The following EDEM3 variants were observed in gnomAD, a reference collection of about 807,000 sequenced individuals.
EDEM3 encodes ER degradation-enhancing alpha-mannosidase-like protein 3.
Under a neutral mutation model 110.2 loss-of-function variants are expected in EDEM3, and 60 were observed. The ratio of observed to expected loss-of-function variants is 0.54; its 90% CI spans 0.44 to 0.67. The LOEUF is 0.67. Among genes scored for constraint, EDEM3 ranks in the 30% least tolerant of loss-of-function variants. The probability of loss-of-function intolerance (pLI) is 0.00; values close to 1 mark genes in which losing one functional copy is unlikely to be tolerated. For synonymous variants in EDEM3, 352 were observed against 382.9 expected (o/e 0.92, Z 0.94); for missense variants, 996 against 1,121.0 (o/e 0.89, Z 1.59).
intron 19 of EDEM3, among the ~76,000 whole-genome samples, chr1:184,696,451 G>A (rs1335662955): frequency 6.6e-6 from 1 of 151,160 alleles, no homozygotes; most frequent in Non-Finnish European, 1.5e-5. Context: ...TTTTTAACCC[G>A]GGGTGTCCGC....
rs1055804745 is a variant in EDEM3, at chr1:184,751,878, C to T, written c.159-2286G>A. Among the ~76,000 whole-genome samples, 8 of 152,150 alleles carry T rather than the reference C, an allele frequency of 5.3e-5. No homozygotes were observed. In the East Asian group the frequency reaches 1.5e-3, roughly 29 times the overall value. On this transcript the variant is annotated intron_variant, in intron 1 of 19. Coordinates refer to ENST00000318130, the MANE Select transcript of EDEM3 (RefSeq NM_025191.4). The stretch of plus-strand genomic sequence containing the variant: ...AGCGATTCTTCCTGCCTCAGCCTCC[C>T]GAGTAGCTGGGATTAAGGGCATGCG...
rs1649167980 is a variant in EDEM3, at chr1:184,693,527, CAA to C, written c.*534_*535del. 1 of 152,454 alleles carries C rather than the reference CAA, an allele frequency of 6.6e-6. No individual in the cohort carries two copies. The highest frequency in any genetic ancestry group is 1.5e-5 in the Non-Finnish European group (1 of 68,136). 9.4% of individuals were successfully genotyped at this position (152,454 alleles called of 1,614,324 possible). On this transcript the variant is annotated 3_prime_UTR_variant, in exon 20 of 20. Coordinates refer to ENST00000318130, the MANE Select transcript of EDEM3 (RefSeq NM_025191.4). ...AAATGAAACAAGAGAAAGCAATGAGCAAAGACTGTTTTCACCATAAATGCATT... is the reference window on the plus strand; with the variant it reads ...AAATGAAACAAGAGAAAGCAATGAGCAGACTGTTTTCACCATAAATGCATT...
intron 6 of EDEM3, 144 bp downstream of exon 6, chr1:184,732,693 G>T: frequency 2.7e-6 from 2 of 743,282 alleles, no homozygotes; most frequent in Non-Finnish European, 4.1e-6. Flanking sequence ...TAATTGAAAT[G>T]AAAATATAAA....
intron 6 of EDEM3, among the ~76,000 whole-genome samples, chr1:184,728,855 G>A (rs998451883): frequency 8.5e-5 from 13 of 152,252 alleles, no homozygotes; most frequent in East Asian, 3.9e-4. Flanking sequence ...TGATCCGCCC[G>A]ACTTGGCCTC....
At chr1:184,695,426 T>G (rs1649280890) in intron 19 of EDEM3, among the ~76,000 whole-genome samples, 1 of 152,164 alleles carries the variant, frequency 6.6e-6, no homozygotes, top group Non-Finnish European at 1.5e-5. Flanking sequence ...GAAAGAGAGA[T>G]AAGGATTTTG....
chr1:184,730,424 A>G (rs554368328), intron 6 of EDEM3, among the ~76,000 whole-genome samples: 2 of 151,830 alleles, frequency 1.3e-5, no homozygotes, highest in Non-Finnish European at 2.9e-5. Context: ...CTCTACAAAA[A>G]TTTTTTTTAA....
Position 184,693,498 on chromosome 1 carries a change from C to T in EDEM3, c.*565G>A, listed in dbSNP as rs1649166917. ...AAATCAAGTCATCTTGATCATTTGT[C>T]ACTAAATGAAACAAGAGAAAGCAAT... On this transcript the variant is annotated 3_prime_UTR_variant, in exon 20 of 20. Coordinates refer to ENST00000318130, the MANE Select transcript of EDEM3 (RefSeq NM_025191.4). 1 of 152,522 alleles carries T rather than the reference C, an allele frequency of 6.6e-6. No homozygotes were observed. Among genetic ancestry groups the T allele is most frequent in the Admixed American group, 6.6e-5 (1 of 15,258 alleles). The allele number at this position is 152,522 out of a possible 1,614,324, so 9.4% of individuals were successfully genotyped here. A position where few individuals can be genotyped will look rare whatever the true frequency, so the allele number is the denominator to read the frequency against.
rs1223526139 is a variant in EDEM3, at chr1:184,736,646, CA to C, written c.345+378del. On this transcript the variant is annotated intron_variant, in intron 4 of 19. Coordinates refer to ENST00000318130, the MANE Select transcript of EDEM3 (RefSeq NM_025191.4). ...ATTAATTTTTTGCTTATGAACACAGCAATATAAAGATTCTAATTTAACAATT... is the reference window on the plus strand; with the variant it reads ...ATTAATTTTTTGCTTATGAACACAGCATATAAAGATTCTAATTTAACAATT... Among the ~76,000 whole-genome samples the C allele has an allele frequency of 2.0e-5, 3 of 152,158 alleles. No individual in the cohort carries two copies. The East Asian group carries it at 5.8e-4, about 29-fold the overall frequency.
At chr1:184,747,328 T>C (rs1005834734) in intron 2 of EDEM3, among the ~76,000 whole-genome samples, 6 of 152,180 alleles carry the variant, frequency 3.9e-5, no homozygotes, top group South Asian at 2.1e-4. Context: ...ACCTATACAC[T>C]TTTACCCTAC....
At position 184,691,800 on chromosome 1, in the gene EDEM3, G is replaced by A. The variant is rs992904234; in HGVS notation, c.*2263C>T. 2 of 151,912 alleles carry A rather than the reference G, an allele frequency of 1.3e-5. No homozygotes were observed. Among genetic ancestry groups the A allele is most frequent in the Non-Finnish European group, 2.9e-5 (2 of 67,966 alleles). 9.4% of individuals were successfully genotyped at this position (151,912 alleles called of 1,614,324 possible). ...AAATATTGAGTATAATTCCTTCTGG[G>A]TATTAAGAAAAATTGGTTAAATTTT... On this transcript the variant is annotated 3_prime_UTR_variant, in exon 20 of 20. Coordinates refer to ENST00000318130, the MANE Select transcript of EDEM3 (RefSeq NM_025191.4).
chr1:184,727,303 C>G (rs369291847), intron 6 of EDEM3, among the ~76,000 whole-genome samples: 1 of 152,000 alleles, frequency 6.6e-6, no homozygotes, highest in African/African-American at 2.4e-5. Context: ...CAATATGAAT[C>G]TGGATTAACT....
chr1:184,694,385 T>A lies in EDEM3; in HGVS notation c.2477A>T (p.Glu826Val). Residue 826 changes from glutamate (E) to valine (V), a missense_variant, in exon 20 of 20, where the codon GAG becomes GTG. Physicochemically the swap from Glu to Val is moderately radical, Grantham distance 121 (BLOSUM62 -2). Transcript: ENST00000318130. ...AGACTCTTGATCAACCAAATCAACCTCCTGAGAACTTGATGAAATCTGTTC... is the reference window on the plus strand; with the variant it reads ...AGACTCTTGATCAACCAAATCAACCACCTGAGAACTTGATGAAATCTGTTC... ...SGEQISSSSQEVDLVDQESSE... is the reference protein window; with the variant it reads ...SGEQISSSSQVVDLVDQESSE... The A allele has an allele frequency of 6.2e-7, 1 of 1,612,406 alleles. No homozygotes were observed. The highest frequency in any genetic ancestry group is 8.5e-7 in the Non-Finnish European group (1 of 1,179,488).
At chr1:184,699,904 T>A (rs985703813) in intron 19 of EDEM3, among the ~76,000 whole-genome samples, 1 of 151,894 alleles carries the variant, frequency 6.6e-6, no homozygotes, top group Non-Finnish European at 1.5e-5. Context: ...GGAAATTTAC[T>A]CTTAATTGTA....
intron 1 of EDEM3, among the ~76,000 whole-genome samples, chr1:184,754,261 A>C (rs550368243): frequency 1.3e-5 from 2 of 152,140 alleles, no homozygotes; most frequent in African/African-American, 2.4e-5. Flanking sequence ...AGGAGCCTGC[A>C]CATGTCACCG....
At position 184,732,107 on chromosome 1, in the gene EDEM3, C is replaced by T. The variant is rs573631019; in HGVS notation, c.612+730G>A. The stretch of plus-strand genomic sequence containing the variant: ...AGGAGAATGGCGTGAACCTGGAAGG[C>T]AGAGGTTGCAGTGAGCCGAGATCGC... On this transcript the variant is annotated intron_variant, in intron 6 of 19. Transcript: ENST00000318130. Among the ~76,000 whole-genome samples the T allele has an allele frequency of 1.8e-4, 27 of 152,144 alleles. No individual in the cohort carries two copies. In the East Asian group the frequency reaches 5.0e-3, roughly 28 times the overall value.
intron 6 of EDEM3, among the ~76,000 whole-genome samples, chr1:184,732,302 AG>A (rs1286122867): frequency 6.6e-6 from 1 of 152,162 alleles, no homozygotes; most frequent in Non-Finnish European, 1.5e-5. Context: ...AATGGTTATC[AG>A]AGGCTGGGAA....
intron 13 of EDEM3, 51 bp from the exon 14 acceptor site, chr1:184,712,649 G>A (rs1196465892): frequency 8.0e-7 from 1 of 1,256,892 alleles, no homozygotes; most frequent in African/African-American, 1.6e-5. Flanking sequence ...TAATTTAAAT[G>A]CCAACTATAT....
chr1:184,752,345 T>C (rs1231845824), intron 1 of EDEM3, among the ~76,000 whole-genome samples: 1 of 152,208 alleles, frequency 6.6e-6, no homozygotes, highest in Non-Finnish European at 1.5e-5. Flanking sequence ...TTCTGCTTTT[T>C]ATCATGAATC....
chr1:184,698,272 T>C lies in EDEM3; in HGVS notation c.2390-3800A>G, dbSNP rs527379151. On this transcript the variant is annotated intron_variant, in intron 19 of 19. Transcript: ENST00000318130. ...ACTTTCTGCCAGCATTTCATTTTAG[T>C]AAATCTCAATATTCTAGAAAAAGTA... 2.1e-3 allele frequency among the ~76,000 whole-genome samples: 315 copies of C among 151,940 alleles called. 1 individual carries two copies. The highest frequency in any genetic ancestry group is 7.2e-3 in the African/African-American group (298 of 41,520).
Sources: gnomAD v4.1 joint callset for allele counts (sites outside exome capture counted in the v4.1 genomes callset) on GRCh38, gnomAD v4.1.1 for gene constraint, MANE v1.5 for transcripts, NCBI Gene and HGNC (gene_info 2026-07-23, HGNC 2026-07-21) for gene names.